Variants in CNTN4 observed in about 807,000 individuals in gnomAD.
CNTN4 encodes the protein contactin 4, also known as contactin-4.
Under a neutral mutation model 122.5 loss-of-function variants are expected in CNTN4, and 77 were observed. The observed-to-expected ratio is 0.63, with a 90% CI of 0.52 to 0.76. CNTN4 has a LOEUF of 0.76. Ranked by LOEUF, CNTN4 falls within the 30% of genes least tolerant of loss-of-function variation. The pLI is 0.00. For missense variants in CNTN4, 1,256 were observed against 1,259.1 expected (o/e 1.00, Z 0.04); for synonymous variants, 512 against 447.0 (o/e 1.15, Z -1.83).
At chr3:2,748,946 G>C (rs1251777112) in intron 6 of CNTN4, among the ~76,000 whole-genome samples, 1 of 152,044 alleles carries the variant, frequency 6.6e-6, no homozygotes, top group Admixed American at 6.6e-5. Flanking sequence ...TGATACTTTT[G>C]TTCCCTCTGC....
At chr3:2,722,136 G>A (rs74842542) in intron 4 of CNTN4, among the ~76,000 whole-genome samples, 203 of 152,232 alleles carry the variant, frequency 1.3e-3, no homozygotes, top group African/African-American at 4.4e-3. Flanking sequence ...AGACTAAGAC[G>A]CTATTTAAAA....
chr3:2,517,727 G>A (rs1246019171), intron 3 of CNTN4, among the ~76,000 whole-genome samples: 4 of 152,052 alleles, frequency 2.6e-5, no homozygotes, highest in South Asian at 4.1e-4. Context: ...TTGCCTCCTC[G>A]CTGGTTAGAA....
intron 4 of CNTN4, among the ~76,000 whole-genome samples, chr3:2,665,946 A>G (rs1325525298): frequency 6.6e-6 from 1 of 152,202 alleles, no homozygotes; most frequent in Admixed American, 6.5e-5. Context: ...CAAAGATTTT[A>G]TCTCTTGGTA....
At chr3:2,719,711 AC>A (rs1157029339) in intron 4 of CNTN4, among the ~76,000 whole-genome samples, 2 of 152,134 alleles carry the variant, frequency 1.3e-5, no homozygotes, top group Non-Finnish European at 2.9e-5. Context: ...GGCGTGAGCC[AC>A]CACGCTGGGC....
At chr3:2,921,390 A>C (rs2094428661) in intron 12 of CNTN4, among the ~76,000 whole-genome samples, 1 of 152,240 alleles carries the variant, frequency 6.6e-6, no homozygotes, top group African/African-American at 2.4e-5. Flanking sequence ...ACCTAGAAAG[A>C]AGAAATCTTC....
At chr3:2,568,512 G>C (rs1271417515) in intron 3 of CNTN4, among the ~76,000 whole-genome samples, 2 of 152,080 alleles carry the variant, frequency 1.3e-5, no homozygotes, top group Non-Finnish European at 2.9e-5. Context: ...TGTTGGATAA[G>C]CCAGAGAGAG....
At chr3:2,322,098 G>T (rs999692647) in intron 2 of CNTN4, among the ~76,000 whole-genome samples, 4 of 152,096 alleles carry the variant, frequency 2.6e-5, no homozygotes, top group Non-Finnish European at 5.9e-5. Flanking sequence ...AGGTCACATA[G>T]GATTGTCTGT....
At chr3:2,854,271 T>C (rs1014532107) in intron 7 of CNTN4, among the ~76,000 whole-genome samples, 46 of 140,046 alleles carry the variant, frequency 3.3e-4, no homozygotes, top group East Asian at 6.2e-4. Context: ...TCTTCTTCTT[T>C]TTTTTTTTTT....
At chr3:2,189,192 A>C (rs1361016147) in intron 2 of CNTN4, among the ~76,000 whole-genome samples, 2 of 152,182 alleles carry the variant, frequency 1.3e-5, no homozygotes, top group Non-Finnish European at 2.9e-5. Flanking sequence ...CTAAAAAAGA[A>C]AAAGTTGCCA....
intron 14 of CNTN4, among the ~76,000 whole-genome samples, chr3:3,015,728 G>A (rs1465475646): frequency 6.6e-6 from 1 of 152,148 alleles, no homozygotes; most frequent in African/African-American, 2.4e-5. Context: ...TGTGTGAATG[G>A]CACTTGGTTT....
At chr3:2,726,090 A>G (rs141730469) in intron 4 of CNTN4, among the ~76,000 whole-genome samples, 1 of 152,140 alleles carries the variant, frequency 6.6e-6, no homozygotes, top group Non-Finnish European at 1.5e-5. Context: ...GTCTGTCCCT[A>G]TCCTTTAATT....
At chr3:2,922,764 A>C (rs1396724602) in intron 12 of CNTN4, among the ~76,000 whole-genome samples, 1 of 151,980 alleles carries the variant, frequency 6.6e-6, no homozygotes, top group African/African-American at 2.4e-5. Flanking sequence ...GAGGTGCAAC[A>C]CCACGCCCAG....
intron 2 of CNTN4, among the ~76,000 whole-genome samples, chr3:2,331,306 C>A (rs1145030): frequency 0.88 from 134,124 of 152,104 alleles, 60,054 homozygotes; most frequent in East Asian, 1. Flanking sequence ...CAGGATACTG[C>A]ATTGTAGAAG....
At position 2,176,538 on chromosome 3, in the gene CNTN4, A is replaced by T. The variant is rs920397197; in HGVS notation, c.-145+75899A>T. Reference sequence around the variant, plus strand: ...AATACATATTTAAATTTAAAATAAGAATTTAACAATGCTAAGTAAACAGTT... The same window carrying T: ...AATACATATTTAAATTTAAAATAAGTATTTAACAATGCTAAGTAAACAGTT... On this transcript the variant is annotated intron_variant, in intron 2 of 24. Coordinates refer to ENST00000418658, the MANE Select transcript of CNTN4 (RefSeq NM_175607.3). 3.3e-5 allele frequency among the ~76,000 whole-genome samples: 5 copies of T among 152,238 alleles called. No homozygotes were observed. The East Asian group carries it at 9.7e-4, about 29-fold the overall frequency.
At chr3:2,795,873 T>G (rs1017507579) in intron 6 of CNTN4, among the ~76,000 whole-genome samples, 2 of 152,154 alleles carry the variant, frequency 1.3e-5, no homozygotes, top group Non-Finnish European at 2.9e-5. Context: ...TAGGTACATG[T>G]GATCAAGGCA....
chr3:2,981,624 A>T (rs1008355579), intron 13 of CNTN4, among the ~76,000 whole-genome samples: 6 of 152,214 alleles, frequency 3.9e-5, no homozygotes, highest in African/African-American at 1.4e-4. Context: ...AGAAGATCCA[A>T]ATGGAAAGGA....
At chr3:2,835,756 A>T (rs2093211627) in intron 7 of CNTN4, among the ~76,000 whole-genome samples, 1 of 152,214 alleles carries the variant, frequency 6.6e-6, no homozygotes, top group Non-Finnish European at 1.5e-5. Flanking sequence ...ACAATTTATG[A>T]AAAGTATACC....
chr3:2,349,219 A>G (rs1379509245), intron 3 of CNTN4, among the ~76,000 whole-genome samples: 3 of 151,832 alleles, frequency 2.0e-5, no homozygotes, highest in Non-Finnish European at 4.4e-5. Flanking sequence ...AAGAGTTAAT[A>G]TTAACAAAGT....
At chr3:2,397,174 G>T (rs2046671561) in intron 3 of CNTN4, among the ~76,000 whole-genome samples, 1 of 152,140 alleles carries the variant, frequency 6.6e-6, no homozygotes, top group African/African-American at 2.4e-5. Context: ...AATAAATAAT[G>T]CACCATGGAT....
Sources: allele counts gnomAD v4.1 joint callset (sites outside exome capture counted in the v4.1 genomes callset), GRCh38; gene constraint gnomAD v4.1.1; transcripts MANE v1.5; gene names NCBI Gene and HGNC (gene_info 2026-07-23, HGNC 2026-07-21).